Variants in CEP63 observed in about 807,000 individuals in gnomAD.
The protein encoded by CEP63 is centrosomal protein of 63 kDa.
A neutral mutation model predicts 89.1 loss-of-function variants in CEP63; 84 were observed. The observed-to-expected ratio is 0.94, with a 90% CI of 0.79 to 1.13. The LOEUF is 1.13. Ranked by LOEUF, CEP63 falls within the 50% of genes most tolerant of loss-of-function variation. The pLI, the probability that CEP63 is intolerant of heterozygous loss-of-function variation, is 0.00. For synonymous variants in CEP63, 267 were observed against 272.5 expected (o/e 0.98, Z 0.20); for missense variants, 838 against 813.3 (o/e 1.03, Z -0.37).
chr3:134,711,728 G>A, the CEP63 span, among the ~76,000 whole-genome samples: 1 of 151,164 alleles, frequency 6.6e-6, no homozygotes, highest in African/African-American at 2.4e-5. Flanking sequence ...GTTTAGAGAG[G>A]TCTGATGCCA....
At chr3:134,717,349 G>T in the CEP63 span, among the ~76,000 whole-genome samples, 6 of 152,146 alleles carry the variant, frequency 3.9e-5, no homozygotes, top group African/African-American at 1.4e-4. Context: ...GCATAACTGG[G>T]TAGTGTTACC....
chr3:134,540,982 A>G (rs1951882513), intron 6 of CEP63, among the ~76,000 whole-genome samples: 1 of 151,922 alleles, frequency 6.6e-6, no homozygotes, highest in African/African-American at 2.4e-5. Context: ...GGGTTTCACC[A>G]TGTTGGCCAT....
the CEP63 span, among the ~76,000 whole-genome samples, chr3:134,623,567 C>T: frequency 4.7e-5 from 7 of 149,268 alleles, no homozygotes; most frequent in African/African-American, 2.5e-5. Context: ...CCTTAGGATG[C>T]CCCCCTACTC....
chr3:134,681,630 G>A, the CEP63 span, among the ~76,000 whole-genome samples: 1 of 152,230 alleles, frequency 6.6e-6, no homozygotes, highest in Non-Finnish European at 1.5e-5. Flanking sequence ...TATGAAAACT[G>A]TTTGGAGTTT....
At chr3:134,704,061 T>A in the CEP63 span, among the ~76,000 whole-genome samples, 1 of 152,238 alleles carries the variant, frequency 6.6e-6, no homozygotes, top group Middle Eastern at 3.2e-3. Flanking sequence ...TGTAACTGAC[T>A]CTGGCAATAC....
the CEP63 span, among the ~76,000 whole-genome samples, chr3:134,716,523 G>A: frequency 6.6e-6 from 1 of 152,112 alleles, no homozygotes; most frequent in African/African-American, 2.4e-5. Context: ...TTCCTGTCAT[G>A]CATAGTTTGG....
the CEP63 span, among the ~76,000 whole-genome samples, chr3:134,690,993 C>T: frequency 6.6e-6 from 1 of 152,132 alleles, no homozygotes; most frequent in Non-Finnish European, 1.5e-5. Context: ...AGGTAATCTG[C>T]CCGCCTTGGC....
intron 2 of CEP63, among the ~76,000 whole-genome samples, chr3:134,496,254 T>G (rs1939901927): frequency 1.3e-5 from 2 of 152,166 alleles, no homozygotes; most frequent in South Asian, 4.1e-4. Flanking sequence ...CATTTCCCCC[T>G]AGTACTACCA....
At chr3:134,678,863 G>A in the CEP63 span, among the ~76,000 whole-genome samples, 2 of 152,160 alleles carry the variant, frequency 1.3e-5, no homozygotes, top group African/African-American at 4.8e-5. Flanking sequence ...TCTCCACCTG[G>A]TTCAAGACCC....
At chr3:134,486,639 C>T in intron 1 of CEP63, 1 of 722,790 alleles carries the variant, frequency 1.4e-6, no homozygotes, top group Non-Finnish European at 1.7e-6. Context: ...AGTGCGGCCT[C>T]CCTGCCAGGG....
intron 6 of CEP63, among the ~76,000 whole-genome samples, chr3:134,537,490 T>A (rs983904968): frequency 3.3e-5 from 5 of 152,168 alleles, no homozygotes; most frequent in African/African-American, 1.2e-4. Flanking sequence ...GCTCATGTCC[T>A]TGTGCCCGCT....
the CEP63 span, among the ~76,000 whole-genome samples, chr3:134,725,561 T>G: frequency 3.3e-5 from 5 of 152,364 alleles, no homozygotes; most frequent in Middle Eastern, 3.4e-3. Context: ...ATATGGATTT[T>G]TATGTGCATT....
At chr3:134,546,411 T>A in intron 8 of CEP63, 123 bp downstream of exon 8, 1 of 874,560 alleles carries the variant, frequency 1.1e-6, no homozygotes. Flanking sequence ...CAGACTGGAG[T>A]GCAGTGGTGC....
chr3:134,574,823 GT>G lies in CEP63; in HGVS notation c.1364del (p.Leu455Ter). On this transcript the variant is annotated frameshift_variant, in exon 12 of 12. Coordinates refer to the CEP63 transcript ENST00000354446. LOFTEE classifies it high-confidence loss of function. ...GGGTTTTACCATGTTGTCCAGTCTG[GT>G]TTTGAACTTCGGGATTCAAGCAATC... is the stretch of plus-strand genomic sequence containing the variant. 1.6e-6 allele frequency: 1 copy of G among 623,990 alleles called. No homozygotes were observed. The highest frequency in any genetic ancestry group is 1.8e-5 in the South Asian group (1 of 56,840). 38.7% of individuals were successfully genotyped at this position (623,990 alleles called of 1,614,324 possible). A position where few individuals can be genotyped will look rare whatever the true frequency, so the allele number is the denominator to read the frequency against.
the CEP63 span, among the ~76,000 whole-genome samples, chr3:134,738,249 TACACAC>T: frequency 0.062 from 9,092 of 145,578 alleles, 384 homozygotes; most frequent in South Asian, 0.26. Context: ...TATTCCATCA[TACACAC>T]ACACACACAC....
the CEP63 span, among the ~76,000 whole-genome samples, chr3:134,762,574 A>AG: frequency 6.7e-6 from 1 of 149,358 alleles, no homozygotes; most frequent in Admixed American, 6.7e-5. Context: ...CCTCATAAGA[A>AG]GGGGAAATTT....
At position 134,542,938 on chromosome 3, in the gene CEP63, T is replaced by C. The variant is rs577168834; in HGVS notation, c.556-2648T>C. Among the ~76,000 whole-genome samples, 22 of 10,008 alleles carry C rather than the reference T, an allele frequency of 2.2e-3. 1 individual carries two copies. The East Asian group carries it at 0.042, about 19-fold the overall frequency. 6.6% of individuals were successfully genotyped at this position (10,008 alleles called of 152,430 possible). On this transcript the variant is annotated intron_variant, in intron 6 of 14. Coordinates refer to ENST00000675561, the MANE Select transcript of CEP63 (RefSeq NM_001353108.3). ...TCTGGCTCAAAGAATTAGTGGTTAG[T>C]GCAAAAAAAAAAAAAGTTTAAAAAT...
chr3:134,497,739 A>AT lies in CEP63; in HGVS notation c.44+2385dup, dbSNP rs375856540. 1.7e-3 allele frequency among the ~76,000 whole-genome samples: 255 copies of AT among 149,294 alleles called. 1 individual carries two copies. In the Middle Eastern group the frequency reaches 0.017, roughly 10 times the overall value. On this transcript the variant is annotated intron_variant, in intron 2 of 14. Coordinates refer to ENST00000675561, the MANE Select transcript of CEP63 (RefSeq NM_001353108.3). ...TAAGTCTTTAGTCCATTTTGAGTTG[A>AT]TTTTTTTTTTAATATGGTGAGAGAT...
chr3:134,574,718 C>G, intron 11 of CEP63: 1 of 524,676 alleles, frequency 1.9e-6, no homozygotes, highest in South Asian at 2.6e-5. Context: ...ACTGATCCAC[C>G]TCAGCCTCCT....
Sources: allele counts gnomAD v4.1 joint callset (sites outside exome capture counted in the v4.1 genomes callset), GRCh38; gene constraint gnomAD v4.1.1; transcripts MANE v1.5; gene names NCBI Gene and HGNC (gene_info 2026-07-23, HGNC 2026-07-21).